The following CABP1 variants were observed in gnomAD, a reference collection of about 807,000 sequenced individuals.
The protein encoded by CABP1 is calcium binding protein 1, also known as calcium-binding protein 1.
CABP1 carries 17 observed loss-of-function variants against 34.3 expected under a neutral mutation model. The observed-to-expected ratio is 0.50, with a 90% confidence interval of 0.34 to 0.74. The LOEUF is 0.74. Ranked by LOEUF, CABP1 falls within the 30% of genes least tolerant of loss-of-function variation. The pLI is 0.01. For synonymous variants in CABP1, 198 were observed against 229.2 expected, an observed-to-expected ratio of 0.86 and a Z score of 1.23; for missense variants, 373 against 511.1, an observed-to-expected ratio of 0.73 and a Z score of 2.61.
At chr12:120,666,515 G>C (rs1324318638) in intron 5 of CABP1, among the ~76,000 whole-genome samples, 2 of 150,350 alleles carry the variant, frequency 1.3e-5, no homozygotes, top group South Asian at 2.1e-4. Flanking sequence ...GTGAGAGAGA[G>C]AGTGCGCCAG....
At chr12:120,650,793 G>A (rs751970242) in intron 1 of CABP1, 5 of 1,142,382 alleles carry the variant, frequency 4.4e-6, no homozygotes, top group South Asian at 1.3e-5. Context: ...CCTTCCCAGG[G>A]GTTCTGTCCA....
chr12:120,644,901 T>C (rs1879479248), intron 1 of CABP1, among the ~76,000 whole-genome samples: 1 of 152,170 alleles, frequency 6.6e-6, no homozygotes, highest in African/African-American at 2.4e-5. Flanking sequence ...GCCTCCAAGA[T>C]TCAAGCCATT....
In CABP1 at chr12:120,641,460, C is replaced by T. The variant is rs1476776333; in HGVS notation, c.654+121C>T. ...GTCCCCCACGGATCACGCCTCGGCT[C>T]ACCTCGTCCTCCCCGGGCCGGCGCC... On this transcript the variant is annotated intron_variant, in intron 1 of 5. Transcript: ENST00000316803. This position sits in a 1 kb window ranked among gnomAD's most constrained non-coding sequence, Gnocchi z 6.7. 5.5e-6 allele frequency: 6 copies of T among 1,088,356 alleles called. No individual in the cohort carries two copies. Among genetic ancestry groups the T allele is most frequent in the African/African-American group, 4.9e-5 (3 of 61,400 alleles). 67.4% of individuals were successfully genotyped at this position (1,088,356 alleles called of 1,614,324 possible). A position where few individuals can be genotyped will look rare whatever the true frequency, so the allele number is the denominator to read the frequency against.
intron 5 of CABP1, among the ~76,000 whole-genome samples, chr12:120,664,006 C>T (rs1880813065): frequency 6.6e-6 from 1 of 152,242 alleles, no homozygotes; most frequent in African/African-American, 2.4e-5. Context: ...CTCTCAGGAG[C>T]AGTTGGCCTT....
At position 120,660,458 on chromosome 12, in the gene CABP1, C is replaced by A; in HGVS notation, c.829+119C>A. On this transcript the variant is annotated intron_variant, in intron 3 of 5. Transcript: ENST00000316803. This position sits in a 1 kb window ranked among gnomAD's most constrained non-coding sequence, Gnocchi z 5.0. ...CTCTTACCAGCTCTGTGATCTGGGG[C>A]CAACCACTTACCCTCTCTGAGCCTC... 2 of 1,128,144 alleles carry A rather than the reference C, an allele frequency of 1.8e-6. No homozygotes were observed. The highest frequency in any genetic ancestry group is 2.5e-6 in the Non-Finnish European group (2 of 798,376). The allele number at this position is 1,128,144 out of a possible 1,614,324, so 69.9% of individuals were successfully genotyped here. A position where few individuals can be genotyped will look rare whatever the true frequency, so the allele number is the denominator to read the frequency against.
intron 1 of CABP1, chr12:120,655,468 A>G: frequency 1.0e-6 from 1 of 980,870 alleles, no homozygotes; most frequent in Non-Finnish European, 1.2e-6. Context: ...ACTTTGCCCC[A>G]GTCCCCACCT....
downstream of CABP1, among the ~76,000 whole-genome samples, chr12:120,668,489 C>T (rs536854262): frequency 1.3e-5 from 2 of 152,286 alleles, 1 homozygote; most frequent in African/African-American, 4.8e-5. Flanking sequence ...AGCTGCCATC[C>T]TCTCTGCTGA....
chr12:120,661,185 G>C lies in CABP1; in HGVS notation c.1054G>C (p.Asp352His). ...RDIEEIIRDVDLNGDGRVDFE... is the reference protein window; with the variant it reads ...RDIEEIIRDVHLNGDGRVDFE... ...CATAGAGGAAATTATCCGAGATGTG[G>C]ACCTCAATGGGGATGGACGAGTGGA... Residue 352 changes from aspartate (D) to histidine (H), a missense_variant, in exon 5 of 6, where the codon GAC (aspartate) becomes CAC (histidine). This residue lies in a region of CABP1 where 109 missense variants were observed against 204.8 expected (regional missense o/e 0.53). Transcript: ENST00000316803. This position sits in a 1 kb window ranked among gnomAD's most constrained non-coding sequence, Gnocchi z 5.1. 1 of 1,611,608 alleles carries C rather than the reference G, an allele frequency of 6.2e-7. No individual in the cohort carries two copies.
At chr12:120,665,818 G>A (rs985193950) in intron 5 of CABP1, among the ~76,000 whole-genome samples, 5 of 150,610 alleles carry the variant, frequency 3.3e-5, no homozygotes, top group Non-Finnish European at 7.4e-5. Flanking sequence ...TCAGGAGATC[G>A]AGACCATCCT....
At chr12:120,655,950 G>C in intron 1 of CABP1, 1 of 1,540,808 alleles carries the variant, frequency 6.5e-7, no homozygotes. Flanking sequence ...TTTGATGCCT[G>C]TGCACGCTCA....
intron 1 of CABP1, among the ~76,000 whole-genome samples, chr12:120,651,561 T>C (rs1018499220): frequency 1.3e-5 from 2 of 152,200 alleles, no homozygotes; most frequent in African/African-American, 2.4e-5. Flanking sequence ...TTTCCTCCAA[T>C]TCTTCCATTT....
the CABP1 span, among the ~76,000 whole-genome samples, chr12:120,674,421 A>G: frequency 6.6e-6 from 1 of 152,244 alleles, no homozygotes; most frequent in Non-Finnish European, 1.5e-5. Flanking sequence ...GGCTGTCTGC[A>G]AGGCAGCCCT....
chr12:120,657,631 C>T (rs550915556), intron 1 of CABP1, among the ~76,000 whole-genome samples: 11 of 152,340 alleles, frequency 7.2e-5, no homozygotes, highest in Middle Eastern at 3.4e-3. Flanking sequence ...TACTCCAGGG[C>T]AGAGAACACA....
chr12:120,666,921 G>A lies in CABP1; in HGVS notation c.*21G>A, dbSNP rs1881031044. 3.1e-6 allele frequency: 5 copies of A among 1,599,798 alleles called. No individual in the cohort carries two copies. Among genetic ancestry groups the A allele is most frequent in the Non-Finnish European group, 4.2e-6 (5 of 1,177,408 alleles). ...GCTGAGGCCGCGAGGGCCCCTCCAG[G>A]ACTGCCAAGCTCCCAAAGGCGGGGC... On this transcript the variant is annotated 3_prime_UTR_variant, in exon 6 of 6. Coordinates refer to ENST00000316803, the MANE Select transcript of CABP1 (RefSeq NM_001033677.2).
Position 120,640,861 on chromosome 12 carries a change from G to C in CABP1, c.176G>C (p.Ser59Thr). ...GHASAGPAAMSSHIAKSESKT... is the reference protein window; with the variant it reads ...GHASAGPAAMTSHIAKSESKT... ...GCGAGCGCGGGCCCCGCCGCGATGA[G>C]CTCGCACATCGCCAAAAGCGAGTCC... Residue 59 changes from serine to threonine, a missense_variant, in exon 1 of 6, where the codon AGC becomes ACC. Around this residue, in one of 4 missense-constraint regions of CABP1, gnomAD observed 134 missense variants for 145.4 expected, o/e 0.92. Transcript: ENST00000316803. The surrounding 1 kb of genome is among the most constrained non-coding windows in gnomAD (Gnocchi z 6.2). The C allele has an allele frequency of 9.3e-7, 1 of 1,077,950 alleles. No homozygotes were observed. Among genetic ancestry groups the C allele is most frequent in the Non-Finnish European group, 1.1e-6 (1 of 891,084 alleles). 66.8% of individuals were successfully genotyped at this position (1,077,950 alleles called of 1,614,324 possible). A position where few individuals can be genotyped will look rare whatever the true frequency, so the allele number is the denominator to read the frequency against.
chr12:120,648,645 C>G (rs1565994986), intron 1 of CABP1, among the ~76,000 whole-genome samples: 1 of 152,004 alleles, frequency 6.6e-6, no homozygotes. Flanking sequence ...CTTCGGGAGG[C>G]CAAGGCAGGT....
At chr12:120,645,405 G>A (rs1879501635) in intron 1 of CABP1, among the ~76,000 whole-genome samples, 1 of 152,084 alleles carries the variant, frequency 6.6e-6, no homozygotes, top group East Asian at 1.9e-4. Context: ...TTTTTGAGAG[G>A]CAACAATAGC....
At chr12:120,658,088 CTTTTTT>C (rs140287793) in intron 1 of CABP1, among the ~76,000 whole-genome samples, 3 of 86,212 alleles carry the variant, frequency 3.5e-5, no homozygotes, top group African/African-American at 1.4e-4. Context: ...CCATCACCAG[CTTTTTT>C]TTTTTTTTTT....
chr12:120,660,665 A>G lies in CABP1; in HGVS notation c.830-66A>G, dbSNP rs116125549. 2.5e-3 allele frequency: 2,674 copies of G among 1,078,984 alleles called. 53 individuals carry two copies. In the African/African-American group the frequency reaches 0.035, roughly 14 times the overall value. The allele number at this position is 1,078,984 out of a possible 1,614,324, so 66.8% of individuals were successfully genotyped here. On this transcript the variant is annotated intron_variant, in intron 3 of 5. Transcript: ENST00000316803. The surrounding 1 kb of genome is among the most constrained non-coding windows in gnomAD (Gnocchi z 5.0). Reference sequence around the variant, plus strand: ...TCAAGGAGGGGTTGTCCATTCTGTCAGTTGTCTAGTTGGAGACAGGGAATG... The same window carrying G: ...TCAAGGAGGGGTTGTCCATTCTGTCGGTTGTCTAGTTGGAGACAGGGAATG...
Sources: allele counts gnomAD v4.1 joint callset (sites outside exome capture counted in the v4.1 genomes callset), GRCh38; gene constraint gnomAD v4.1.1; regional missense constraint gnomAD v4.1.1; non-coding constraint Gnocchi (gnomAD v3.1); transcripts MANE v1.5; gene names NCBI Gene and HGNC (gene_info 2026-07-23, HGNC 2026-07-21).